Variants in DKK2 observed in about 807,000 individuals in gnomAD.
The protein encoded by DKK2 is dickkopf-related protein 2.
In DKK2, 11 loss-of-function variants were observed where a neutral mutation model predicts 28.1. The observed-to-expected ratio is 0.39, with a 90% CI of 0.25 to 0.65. The LOEUF (loss-of-function observed/expected upper bound fraction) is 0.65. DKK2 is among the 30% of genes least tolerant of loss of function. The pLI, the probability that DKK2 is intolerant of heterozygous loss-of-function variation, is 0.47. For synonymous variants in DKK2, 135 were observed against 126.5 expected, an observed-to-expected ratio of 1.07 and a Z score of -0.45; for missense variants, 326 against 335.5, an observed-to-expected ratio of 0.97 and a Z score of 0.22.
intron 1 of DKK2, among the ~76,000 whole-genome samples, chr4:106,942,011 A>G (rs1328561218): frequency 6.6e-6 from 1 of 152,158 alleles, no homozygotes; most frequent in Non-Finnish European, 1.5e-5. Flanking sequence ...GTCAGCTCAC[A>G]AGGGCAAAAG....
chr4:107,003,528 G>C (rs1403121449), intron 1 of DKK2, among the ~76,000 whole-genome samples: 3 of 152,226 alleles, frequency 2.0e-5, no homozygotes, highest in Non-Finnish European at 4.4e-5. Flanking sequence ...TCATTGCACA[G>C]AGCGCTAACC....
At position 106,944,625 on chromosome 4, in the gene DKK2, G is replaced by T. The variant is rs1387417618; in HGVS notation, c.223-18676C>A. On this transcript the variant is annotated intron_variant, in intron 1 of 3. Coordinates refer to ENST00000285311, the MANE Select transcript of DKK2 (RefSeq NM_014421.3). Reference sequence around the variant, plus strand: ...ATAATCCTGTTACCTGGACAAAGAGGCAAGAAATAAGAACTCTACTTTCTA... The same window carrying T: ...ATAATCCTGTTACCTGGACAAAGAGTCAAGAAATAAGAACTCTACTTTCTA... Among the ~76,000 whole-genome samples, 3 of 152,168 alleles carry T rather than the reference G, an allele frequency of 2.0e-5. No homozygotes were observed. In the East Asian group the frequency reaches 5.8e-4, roughly 29 times the overall value.
At chr4:107,028,968 A>G (rs1381791147) in intron 1 of DKK2, among the ~76,000 whole-genome samples, 1 of 152,194 alleles carries the variant, frequency 6.6e-6, no homozygotes, top group African/African-American at 2.4e-5. Flanking sequence ...GGGTGACACT[A>G]TAATTTATAC....
intron 1 of DKK2, among the ~76,000 whole-genome samples, chr4:106,937,347 A>G (rs1446177426): frequency 7.5e-6 from 1 of 132,538 alleles, no homozygotes; most frequent in Non-Finnish European, 1.6e-5. Context: ...CTTTAAACCA[A>G]CAAAGATCAA....
chr4:106,961,565 G>GCACACACACACACACAAA (rs1722683910), intron 1 of DKK2, among the ~76,000 whole-genome samples: 1 of 136,242 alleles, frequency 7.3e-6, no homozygotes, highest in Non-Finnish European at 1.6e-5. Flanking sequence ...CCAACAGCCT[G>GCACACACACACACACAAA]CACACACACA....
At chr4:106,981,997 A>G (rs1001644957) in intron 1 of DKK2, among the ~76,000 whole-genome samples, 2 of 152,174 alleles carry the variant, frequency 1.3e-5, no homozygotes, top group African/African-American at 4.8e-5. Context: ...GGGTGAATCA[A>G]TAAAATACTG....
intron 1 of DKK2, among the ~76,000 whole-genome samples, chr4:106,944,163 G>C (rs999570343): frequency 6.6e-6 from 1 of 151,978 alleles, no homozygotes; most frequent in Admixed American, 6.6e-5. Context: ...ATACACTTTA[G>C]TCACAGCAAT....
At chr4:106,932,797 A>G (rs932274238) in intron 1 of DKK2, among the ~76,000 whole-genome samples, 1 of 152,230 alleles carries the variant, frequency 6.6e-6, no homozygotes, top group African/African-American at 2.4e-5. Context: ...TCTGGGATTT[A>G]TAGTAAAACA....
chr4:107,019,922 A>G (rs917979763), intron 1 of DKK2, among the ~76,000 whole-genome samples: 2 of 152,042 alleles, frequency 1.3e-5, no homozygotes, highest in Non-Finnish European at 2.9e-5. Context: ...GATATTTGAA[A>G]TAGTCCTTGA....
intron 1 of DKK2, among the ~76,000 whole-genome samples, chr4:106,929,207 G>A (rs1175137326): frequency 2.6e-5 from 4 of 152,094 alleles, no homozygotes; most frequent in African/African-American, 9.7e-5. Context: ...TTATTTTAAA[G>A]GTGAATTAAA....
chr4:107,005,149 T>C (rs1174639555), intron 1 of DKK2, among the ~76,000 whole-genome samples: 2 of 151,960 alleles, frequency 1.3e-5, no homozygotes, highest in African/African-American at 2.4e-5. Context: ...GAGACCATCC[T>C]GGCTAACACG....
chr4:106,947,333 G>T (rs528102316), intron 1 of DKK2, among the ~76,000 whole-genome samples: 2 of 152,152 alleles, frequency 1.3e-5, no homozygotes, highest in African/African-American at 2.4e-5. Flanking sequence ...GCTCCTCTCT[G>T]CTCAGCCCAA....
chr4:106,978,463 A>T (rs1480986375), intron 1 of DKK2, among the ~76,000 whole-genome samples: 1 of 152,180 alleles, frequency 6.6e-6, no homozygotes, highest in Non-Finnish European at 1.5e-5. Flanking sequence ...CTAGAGAGGC[A>T]GTCTGACTAC....
intron 1 of DKK2, among the ~76,000 whole-genome samples, chr4:107,020,231 A>G (rs1723670616): frequency 6.6e-6 from 1 of 152,110 alleles, no homozygotes; most frequent in South Asian, 2.1e-4. Flanking sequence ...AGACCTGAGT[A>G]TTGGCCACTT....
intron 1 of DKK2, among the ~76,000 whole-genome samples, chr4:107,010,434 C>T (rs1481233030): frequency 1.3e-5 from 2 of 151,592 alleles, no homozygotes; most frequent in Non-Finnish European, 3.0e-5. Flanking sequence ...TAAGCCAAAT[C>T]CAATATTTAA....
rs575757925 is a variant in DKK2, at chr4:106,954,841, G to C, written c.223-28892C>G. On this transcript the variant is annotated intron_variant, in intron 1 of 3. Coordinates refer to ENST00000285311, the MANE Select transcript of DKK2 (RefSeq NM_014421.3). ...CGGCTAGAAATGTTCATTTTTATGT[G>C]ACAGAGAAAAGCAGGTCTTTGGCAG... Among the ~76,000 whole-genome samples, 5 of 152,268 alleles carry C rather than the reference G, an allele frequency of 3.3e-5. No homozygotes were observed. The Middle Eastern group carries it at 0.014, about 414-fold the overall frequency.
chr4:106,979,077 G>T (rs1262455418), intron 1 of DKK2, among the ~76,000 whole-genome samples: 5 of 149,094 alleles, frequency 3.4e-5, no homozygotes, highest in East Asian at 2.0e-4. Flanking sequence ...TTTTGTTTTT[G>T]TTTTTTTTTC....
chr4:106,930,462 T>C (rs1207877076), intron 1 of DKK2, among the ~76,000 whole-genome samples: 1 of 152,172 alleles, frequency 6.6e-6, no homozygotes, highest in African/African-American at 2.4e-5. Flanking sequence ...GTGTTTTGGG[T>C]ATCTCAGTAG....
chr4:106,968,609 TTACTTTTAAG>T (rs1722818050), intron 1 of DKK2, among the ~76,000 whole-genome samples: 1 of 128,624 alleles, frequency 7.8e-6, no homozygotes, highest in Non-Finnish European at 1.7e-5. Context: ...AACATTATAT[TTACTTTTAAG>T]TAAAGTTTCT....
Sources: allele counts gnomAD v4.1 joint callset (sites outside exome capture counted in the v4.1 genomes callset), GRCh38; gene constraint gnomAD v4.1.1; transcripts MANE v1.5; gene names NCBI Gene and HGNC (gene_info 2026-07-23, HGNC 2026-07-21).